The following VAV2 variants were observed in gnomAD, a reference collection of about 807,000 sequenced individuals.
VAV2 encodes guanine nucleotide exchange factor VAV2.
VAV2 carries 67 observed loss-of-function variants against 132.5 expected under a neutral mutation model. The ratio of observed to expected loss-of-function variants is 0.51; its 90% CI spans 0.42 to 0.62. The LOEUF (loss-of-function observed/expected upper bound fraction) is 0.62, where lower values mean the gene tolerates loss of function less well. Among genes scored for constraint, VAV2 ranks in the 20% least tolerant of loss-of-function variants. The probability of loss-of-function intolerance (pLI) is 0.00; values close to 1 mark genes in which losing one functional copy is unlikely to be tolerated. For missense variants in VAV2, 938 were observed against 1,153.6 expected (o/e 0.81, Z 2.71); for synonymous variants, 492 against 443.5 (o/e 1.11, Z -1.37).
chr9:133,979,660 TC>T (rs1478925626), intron 1 of VAV2, among the ~76,000 whole-genome samples: 2 of 152,176 alleles, frequency 1.3e-5, no homozygotes, highest in Non-Finnish European at 2.9e-5. Context: ...TCCGGCCATG[TC>T]CCAGAGCCCC....
intron 2 of VAV2, among the ~76,000 whole-genome samples, chr9:133,897,517 G>T (rs1468497176): frequency 3.9e-5 from 6 of 152,112 alleles, no homozygotes; most frequent in Non-Finnish European, 7.3e-5. Flanking sequence ...TCCCAGGAGG[G>T]TGAGCTCCTT....
rs1267893813 is a variant in VAV2, at chr9:133,854,289, AC to A, written c.380+7084del. On this transcript the variant is annotated intron_variant, in intron 3 of 29. Coordinates refer to ENST00000371850, the MANE Select transcript of VAV2 (RefSeq NM_001134398.2). Reference sequence around the variant, plus strand: ...CACGCACATACCCATATGCACACACACACACCCATGTGCACCTGCACACACA... The same window carrying A: ...CACGCACATACCCATATGCACACACAACACCCATGTGCACCTGCACACACA... 2.1e-4 allele frequency among the ~76,000 whole-genome samples: 32 copies of A among 149,638 alleles called. No individual in the cohort carries two copies. The East Asian group carries it at 6.3e-3, about 29-fold the overall frequency.
rs142019733 is a variant in VAV2 at position 133,898,668 on chromosome 9, G to A, written c.322-37236C>T. ...TATTTAAAATCATCAGTTGAATGGC[G>A]AGGTAGCTGGACTTTTTATGTGGTG... On this transcript the variant is annotated intron_variant, in intron 2 of 29. Coordinates refer to ENST00000371850, the MANE Select transcript of VAV2 (RefSeq NM_001134398.2). Among the ~76,000 whole-genome samples the A allele has an allele frequency of 4.0e-3, 616 of 152,278 alleles. 1 individual carries two copies. Among genetic ancestry groups the A allele is most frequent in the African/African-American group, 0.014 (592 of 41,542 alleles).
intron 3 of VAV2, among the ~76,000 whole-genome samples, chr9:133,844,017 G>A (rs1277771829): frequency 2.6e-5 from 4 of 152,220 alleles, no homozygotes; most frequent in African/African-American, 4.8e-5. Flanking sequence ...GAGCCCCAGA[G>A]GAGAGACCCC....
intron 2 of VAV2, among the ~76,000 whole-genome samples, chr9:133,867,269 C>T (rs1398003474): frequency 3.9e-5 from 6 of 152,244 alleles, no homozygotes. Context: ...AGGCCTCCCT[C>T]CAGGAAGCCC....
chr9:133,908,846 A>G (rs1167552476), intron 2 of VAV2, among the ~76,000 whole-genome samples: 1 of 152,236 alleles, frequency 6.6e-6, no homozygotes, highest in Non-Finnish European at 1.5e-5. Context: ...CAGCCCCTGC[A>G]GTTCTGAAAA....
At chr9:133,862,525 C>T (rs977829310) in intron 2 of VAV2, among the ~76,000 whole-genome samples, 3 of 152,238 alleles carry the variant, frequency 2.0e-5, no homozygotes, top group African/African-American at 4.8e-5. Context: ...GTGCATGTTG[C>T]TTGTGCGTGC....
At chr9:133,837,828 C>T (rs990065126) in intron 3 of VAV2, among the ~76,000 whole-genome samples, 3 of 151,968 alleles carry the variant, frequency 2.0e-5, no homozygotes, top group African/African-American at 7.3e-5. Context: ...TTTCCTTTAC[C>T]TGCCCAACCC....
rs377434491 is a variant in VAV2 at position 133,769,397 on chromosome 9, G to A, written c.2434+20C>T. On this transcript the variant is annotated intron_variant, in intron 28 of 29. Coordinates refer to ENST00000371850, the MANE Select transcript of VAV2 (RefSeq NM_001134398.2). This position sits in a 1 kb window ranked among gnomAD's most constrained non-coding sequence, Gnocchi z 8.1. ...GCTGCCACAGGCCCGGTCCCCCCAC[G>A]CCCTGGGGAGCAGCGGTACCTGACC... 2.1e-4 allele frequency: 343 copies of A among 1,602,548 alleles called. 1 individual carries two copies. The African/African-American group carries it at 3.9e-3, about 18-fold the overall frequency.
At chr9:133,873,539 G>A (rs745833865) in intron 2 of VAV2, among the ~76,000 whole-genome samples, 3 of 152,176 alleles carry the variant, frequency 2.0e-5, no homozygotes, top group Admixed American at 6.5e-5. Context: ...AGACAGGAGC[G>A]GCACTGCCCT....
rs1369203827 is a variant in VAV2, at chr9:133,840,159, C to G, written c.381-5819G>C. Among the ~76,000 whole-genome samples the G allele has an allele frequency of 6.6e-6, 1 of 152,216 alleles. No individual in the cohort carries two copies. The highest frequency in any genetic ancestry group is 6.5e-5 in the Admixed American group (1 of 15,290). ...ATCCAGAAGTTGTCCTGAGAGCAGTCATCCTGGCTCCCCAGGGGCGGCTGC... is the reference window on the plus strand; with the variant it reads ...ATCCAGAAGTTGTCCTGAGAGCAGTGATCCTGGCTCCCCAGGGGCGGCTGC... On this transcript the variant is annotated intron_variant, in intron 3 of 29. Coordinates refer to ENST00000371850, the MANE Select transcript of VAV2 (RefSeq NM_001134398.2). This position sits in a 1 kb window ranked among gnomAD's most constrained non-coding sequence, Gnocchi z 4.5.
At chr9:133,780,083 G>A (rs779301381) in intron 20 of VAV2, 144 bp from the exon 21 acceptor site, 15 of 1,105,380 alleles carry the variant, frequency 1.4e-5, no homozygotes, top group Non-Finnish European at 1.9e-5. Context: ...GAGGGACACT[G>A]TTCCCTATGG....
At chr9:133,841,790 G>T (rs1375646323) in intron 3 of VAV2, among the ~76,000 whole-genome samples, 3 of 152,210 alleles carry the variant, frequency 2.0e-5, no homozygotes, top group South Asian at 4.1e-4. Context: ...GGGGCCGGTA[G>T]TAGCAATTGC....
At chr9:133,981,936 G>A (rs1842707398) in intron 1 of VAV2, among the ~76,000 whole-genome samples, 2 of 152,274 alleles carry the variant, frequency 1.3e-5, no homozygotes, top group African/African-American at 4.8e-5. Context: ...GAGGGCCTGG[G>A]AGAAAGCTTT....
At chr9:133,816,576 C>T (rs1233888373) in intron 4 of VAV2, among the ~76,000 whole-genome samples, 1 of 152,166 alleles carries the variant, frequency 6.6e-6, no homozygotes, top group East Asian at 1.9e-4. Context: ...CTCAAAACGC[C>T]TCTTTTTCGA....
intron 2 of VAV2, among the ~76,000 whole-genome samples, chr9:133,872,176 G>A (rs1188915058): frequency 2.0e-5 from 3 of 148,272 alleles, no homozygotes; most frequent in Non-Finnish European, 4.5e-5. Flanking sequence ...TGGGGAGACT[G>A]ATCGTATGTG....
At chr9:133,865,976 GGGAT>G (rs1837782979) in intron 2 of VAV2, among the ~76,000 whole-genome samples, 3 of 152,234 alleles carry the variant, frequency 2.0e-5, no homozygotes, top group African/African-American at 7.2e-5. Flanking sequence ...TGCCCAGCCT[GGGAT>G]GGTCAGCTGC....
intron 3 of VAV2, among the ~76,000 whole-genome samples, chr9:133,847,178 C>T (rs1836966143): frequency 6.6e-6 from 1 of 152,218 alleles, no homozygotes; most frequent in African/African-American, 2.4e-5. Flanking sequence ...ACCCTCCCTG[C>T]TCCCAAAATG....
chr9:133,948,333 C>T (rs1265177800), intron 1 of VAV2, among the ~76,000 whole-genome samples: 1 of 152,268 alleles, frequency 6.6e-6, no homozygotes, highest in African/African-American at 2.4e-5. Flanking sequence ...ACCTGACCCG[C>T]CTTTGCGCAT....
Sources: allele counts gnomAD v4.1 joint callset (sites outside exome capture counted in the v4.1 genomes callset), GRCh38; gene constraint gnomAD v4.1.1; non-coding constraint Gnocchi (gnomAD v3.1); transcripts MANE v1.5; gene names NCBI Gene and HGNC (gene_info 2026-07-23, HGNC 2026-07-21).